SLC9A9: variants seen among roughly 807,000 people sequenced by gnomAD.
SLC9A9 encodes the protein solute carrier family 9 member A9.
A neutral mutation model predicts 77.8 loss-of-function variants in SLC9A9; 62 were observed. That is an observed-to-expected ratio of 0.80 (90% CI 0.65 to 0.98). The LOEUF is 0.98. Among genes scored for constraint, SLC9A9 ranks in the 50% least tolerant of loss-of-function variants. The probability of loss-of-function intolerance (pLI) is 0.00; values close to 1 mark genes in which losing one functional copy is unlikely to be tolerated. For synonymous variants in SLC9A9, 320 were observed against 283.5 expected (o/e 1.13, Z -1.29); for missense variants, 775 against 774.9 (o/e 1.00, Z 0.00).
At chr3:143,382,566 G>A (rs1260213222) in intron 12 of SLC9A9, among the ~76,000 whole-genome samples, 1 of 152,180 alleles carries the variant, frequency 6.6e-6, no homozygotes, top group Non-Finnish European at 1.5e-5. Context: ...ACTCCCCATA[G>A]GGAGGATTCA....
At position 143,498,296 on chromosome 3, in the gene SLC9A9, T is replaced by C. The variant is rs540107600; in HGVS notation, c.1090-2848A>G. On this transcript the variant is annotated intron_variant, in intron 9 of 15. Transcript: ENST00000316549. ...TATAATATTTCATAGTCTAGACTGT[T>C]CTCACACCCTACATTATTCAGAATT... Among the ~76,000 whole-genome samples the C allele has an allele frequency of 2.9e-4, 44 of 152,322 alleles. No individual in the cohort carries two copies. The East Asian group carries it at 7.5e-3, about 26-fold the overall frequency.
chr3:143,397,747 T>C (rs758487358), intron 12 of SLC9A9, among the ~76,000 whole-genome samples: 2 of 152,114 alleles, frequency 1.3e-5, no homozygotes, highest in South Asian at 2.1e-4. Flanking sequence ...CTCTTTGATG[T>C]GCTCAGGCTT....
At chr3:143,469,170 A>G (rs923947909) in intron 11 of SLC9A9, among the ~76,000 whole-genome samples, 1 of 152,180 alleles carries the variant, frequency 6.6e-6, no homozygotes, top group Non-Finnish European at 1.5e-5. Context: ...AAACAAACAA[A>G]CAAACAAACA....
At chr3:143,375,370 C>A (rs948884889) in intron 13 of SLC9A9, among the ~76,000 whole-genome samples, 1 of 152,178 alleles carries the variant, frequency 6.6e-6, no homozygotes, top group African/African-American at 2.4e-5. Context: ...GTCATTTATT[C>A]ATACACCTGT....
chr3:143,630,535 C>G (rs972008238), intron 6 of SLC9A9, among the ~76,000 whole-genome samples: 7 of 152,096 alleles, frequency 4.6e-5, no homozygotes, highest in African/African-American at 1.7e-4. Flanking sequence ...TCTGCCTTGA[C>G]TATTATCGGT....
intron 1 of SLC9A9, among the ~76,000 whole-genome samples, chr3:143,835,488 C>G (rs1351505617): frequency 6.6e-6 from 1 of 152,228 alleles, no homozygotes; most frequent in African/African-American, 2.4e-5. Context: ...CATAGAGCCT[C>G]ATAATGCTTT....
intron 4 of SLC9A9, among the ~76,000 whole-genome samples, chr3:143,791,944 T>C (rs535471472): frequency 1.3e-5 from 2 of 152,338 alleles, no homozygotes; most frequent in East Asian, 3.9e-4. Context: ...ATTTCATTTT[T>C]TTGGTGCTAA....
At chr3:143,590,568 G>T (rs2037629258) in intron 6 of SLC9A9, among the ~76,000 whole-genome samples, 1 of 152,192 alleles carries the variant, frequency 6.6e-6, no homozygotes, top group African/African-American at 2.4e-5. Context: ...TACTGGGATA[G>T]TATCAAACAA....
chr3:143,647,844 T>A (rs1279253128), intron 6 of SLC9A9, among the ~76,000 whole-genome samples: 4 of 152,188 alleles, frequency 2.6e-5, no homozygotes, highest in South Asian at 2.1e-4. Flanking sequence ...CAACCTCTAT[T>A]TTTTGATTTA....
intron 4 of SLC9A9, among the ~76,000 whole-genome samples, chr3:143,745,197 AAC>A (rs137985518): frequency 0.054 from 8,222 of 152,286 alleles, 277 homozygotes; most frequent in Middle Eastern, 0.075. Flanking sequence ...TTCCAGACAA[AAC>A]ACAGCATAGA....
intron 12 of SLC9A9, among the ~76,000 whole-genome samples, chr3:143,458,281 C>G (rs927435367): frequency 5.6e-4 from 85 of 152,070 alleles, no homozygotes; most frequent in African/African-American, 1.8e-3. Context: ...GCATGGTACA[C>G]CTTTTTTCAT....
At chr3:143,573,676 C>T (rs552879422) in intron 8 of SLC9A9, among the ~76,000 whole-genome samples, 69 of 152,168 alleles carry the variant, frequency 4.5e-4, no homozygotes, top group African/African-American at 1.6e-3. Context: ...GGAGATGTAC[C>T]TACCCTAGAG....
intron 1 of SLC9A9, among the ~76,000 whole-genome samples, chr3:143,840,141 C>T (rs1437380024): frequency 1.3e-5 from 2 of 152,170 alleles, no homozygotes; most frequent in Admixed American, 1.3e-4. Context: ...GTTTCTGATT[C>T]CCTAGGTCTG....
Position 143,468,029 on chromosome 3 carries a change from T to C in SLC9A9, c.1316-839A>G, listed in dbSNP as rs1478378931. 3.9e-5 allele frequency among the ~76,000 whole-genome samples: 6 copies of C among 152,238 alleles called. No individual in the cohort carries two copies. In the East Asian group the frequency reaches 1.2e-3, roughly 29 times the overall value. On this transcript the variant is annotated intron_variant, in intron 11 of 15. Transcript: ENST00000316549. ...TGTTCCTTTTTATTACTGAGTAATA[T>C]TCCACAGTCTGGGTGTTCTACAGTT...
chr3:143,305,146 C>G (rs184913322), intron 14 of SLC9A9, among the ~76,000 whole-genome samples: 14 of 152,248 alleles, frequency 9.2e-5, no homozygotes, highest in African/African-American at 3.1e-4. Context: ...TAAATGCCAA[C>G]TGATATGGGG....
intron 9 of SLC9A9, among the ~76,000 whole-genome samples, chr3:143,547,355 C>T (rs2036807197): frequency 6.6e-6 from 1 of 152,170 alleles, no homozygotes; most frequent in Non-Finnish European, 1.5e-5. Flanking sequence ...ATTCTATGTC[C>T]AACTGGCTAC....
chr3:143,493,042 G>T (rs1406276745), intron 11 of SLC9A9, among the ~76,000 whole-genome samples: 1 of 152,180 alleles, frequency 6.6e-6, no homozygotes. Flanking sequence ...TTGAGGTATG[G>T]TTTAAGCAAT....
At chr3:143,532,210 T>C (rs1166994737) in intron 9 of SLC9A9, among the ~76,000 whole-genome samples, 2 of 152,192 alleles carry the variant, frequency 1.3e-5, no homozygotes, top group Non-Finnish European at 2.9e-5. Flanking sequence ...ACTGGCTCTC[T>C]GGGGGGACAG....
chr3:143,631,852 T>TA (rs995642110), intron 6 of SLC9A9, among the ~76,000 whole-genome samples: 2 of 152,136 alleles, frequency 1.3e-5, no homozygotes, highest in Non-Finnish European at 2.9e-5. Context: ...TATATTTTTC[T>TA]AAAAAACACT....
Sources: gnomAD v4.1 joint callset for allele counts (sites outside exome capture counted in the v4.1 genomes callset) on GRCh38, gnomAD v4.1.1 for gene constraint, MANE v1.5 for transcripts, NCBI Gene and HGNC (gene_info 2026-07-23, HGNC 2026-07-21) for gene names.